Variants in MICAL2 observed in about 807,000 individuals in gnomAD.
MICAL2 encodes the protein [F-actin]-monooxygenase MICAL2.
MICAL2 carries 77 observed loss-of-function variants against 127.3 expected under a neutral mutation model. The observed-to-expected ratio is 0.60, with a 90% CI of 0.50 to 0.73. MICAL2 has a LOEUF of 0.73. Among genes scored for constraint, MICAL2 ranks in the 30% least tolerant of loss-of-function variants. The pLI is 0.00. For missense variants in MICAL2, 1,351 were observed against 1,434.4 expected (o/e 0.94, Z 0.94); for synonymous variants, 570 against 551.1 (o/e 1.03, Z -0.48).
downstream of MICAL2, chr11:12,294,578 T>G: frequency 1.2e-6 from 2 of 1,614,218 alleles, no homozygotes; most frequent in Non-Finnish European, 1.7e-6. Context: ...GCAAGAGAAC[T>G]TCCCAGATGC....
At chr11:12,311,186 G>A (rs114426702) in intron 29 of MICAL2, among the ~76,000 whole-genome samples, 89 of 151,792 alleles carry the variant, frequency 5.9e-4, no homozygotes, top group African/African-American at 2.0e-3. Flanking sequence ...TCTTTTTCTC[G>A]CCTAACTGCT....
rs1203745606 is a variant in MICAL2, at chr11:12,297,319, C to T, written c.5212+2462C>T. The stretch of plus-strand genomic sequence containing the variant: ...TTATATGTTGAGAAGCCATTTGCAT[C>T]TCCTTTTCTGTGACCAGTTGATACT... On this transcript the variant is annotated intron_variant, in intron 29 of 34. Transcript: ENST00000646065. Among the ~76,000 whole-genome samples, 3 of 152,110 alleles carry T rather than the reference C, an allele frequency of 2.0e-5. No homozygotes were observed. The South Asian group carries it at 6.2e-4, about 31-fold the overall frequency.
chr11:12,318,888 C>T (rs1018985552), intron 29 of MICAL2, among the ~76,000 whole-genome samples: 2 of 152,184 alleles, frequency 1.3e-5, no homozygotes, highest in African/African-American at 2.4e-5. Context: ...TGCCTCTAAC[C>T]ATCTACCTCT....
At chr11:12,269,351 T>C (rs1263662394) in intron 24 of MICAL2, among the ~76,000 whole-genome samples, 17 of 152,156 alleles carry the variant, frequency 1.1e-4, no homozygotes, top group African/African-American at 4.1e-4. Flanking sequence ...GGCTCACAGC[T>C]GGCCAGACAC....
intron 2 of MICAL2, among the ~76,000 whole-genome samples, chr11:12,157,190 G>A (rs1446329375): frequency 6.6e-6 from 1 of 152,212 alleles, no homozygotes; most frequent in African/African-American, 2.4e-5. Flanking sequence ...TGCACTGTCT[G>A]ATATGCCATT....
intron 3 of MICAL2, among the ~76,000 whole-genome samples, chr11:12,186,858 C>T (rs1238171646): frequency 1.3e-5 from 2 of 152,226 alleles, no homozygotes; most frequent in Non-Finnish European, 2.9e-5. Context: ...AGAGCTGTCT[C>T]TTCCTGAAGC....
downstream of MICAL2, among the ~76,000 whole-genome samples, chr11:12,289,422 T>A (rs1309212978): frequency 6.6e-6 from 1 of 152,156 alleles, no homozygotes; most frequent in Non-Finnish European, 1.5e-5. Context: ...CAGCCCCCTC[T>A]GGAATGGGCC....
intron 32 of MICAL2, among the ~76,000 whole-genome samples, chr11:12,342,576 G>T (rs144612993): frequency 2.0e-5 from 3 of 152,220 alleles, no homozygotes; most frequent in Non-Finnish European, 4.4e-5. Flanking sequence ...GGCAAGGTAG[G>T]TGTGGTATGG....
chr11:12,257,000 G>A (rs1281044352), intron 24 of MICAL2, 29 bp downstream of exon 24: 1 of 1,590,070 alleles, frequency 6.3e-7, no homozygotes, highest in Non-Finnish European at 8.6e-7. Flanking sequence ...GCAGCACTGG[G>A]CTCTGGCCTT....
chr11:12,278,455 G>A (rs1350964833), intron 1 of MICAL2, among the ~76,000 whole-genome samples: 1 of 152,204 alleles, frequency 6.6e-6, no homozygotes, highest in Non-Finnish European at 1.5e-5. Context: ...GTAAATAGGT[G>A]ATAGGAATTT....
At chr11:12,328,710 G>C (rs1388009550) in intron 32 of MICAL2, among the ~76,000 whole-genome samples, 3 of 152,150 alleles carry the variant, frequency 2.0e-5, no homozygotes, top group African/African-American at 7.2e-5. Context: ...GAAAAACTGA[G>C]CACTGAAATA....
Position 12,204,435 on chromosome 11 carries a change from T to A in MICAL2, c.450T>A (p.Cys150Ter). 1.2e-6 allele frequency: 2 copies of A among 1,614,174 alleles called. No homozygotes were observed. Among genetic ancestry groups the A allele is most frequent in the Non-Finnish European group, 8.5e-7 (1 of 1,180,014 alleles). ...LGAKKFYGKF[C>*]AGSIDHISIR... ...CCAAGAAGTTCTATGGGAAGTTCTG[T>A]GCTGGCTCCATCGACCATATCAGTG... is the stretch of plus-strand genomic sequence containing the variant. Residue 150 changes from cysteine (C) to a stop codon, truncating the protein, a stop_gained, in exon 4 of 28, where the codon TGT (cysteine) becomes TGA (stop). Coordinates refer to ENST00000683283, the MANE Select transcript of MICAL2 (RefSeq NM_001282663.2). LOFTEE classifies it high-confidence loss of function.
At chr11:12,120,530 A>G (rs1468465158) in intron 1 of MICAL2, among the ~76,000 whole-genome samples, 1 of 152,138 alleles carries the variant, frequency 6.6e-6, no homozygotes, top group African/African-American at 2.4e-5. Context: ...ACCGAGACAG[A>G]GTATGGAATG....
intron 1 of MICAL2, among the ~76,000 whole-genome samples, chr11:12,135,829 G>A (rs569559566): frequency 6.6e-6 from 1 of 152,298 alleles, no homozygotes; most frequent in African/African-American, 2.4e-5. Context: ...GGGATGTGGA[G>A]ACCCCTACCT....
chr11:12,226,650 GGT>G (rs1491137140), intron 14 of MICAL2, among the ~76,000 whole-genome samples: 1 of 122,012 alleles, frequency 8.2e-6, no homozygotes, highest in African/African-American at 3.7e-5. Context: ...GTTTGTTTTT[GGT>G]TTTTTTTTTT....
At chr11:12,282,381 A>G (rs79920765) in intron 2 of MICAL2, among the ~76,000 whole-genome samples, 2 of 152,188 alleles carry the variant, frequency 1.3e-5, no homozygotes, top group South Asian at 4.1e-4. Flanking sequence ...CCTGGGCTCC[A>G]GCTCCCCATT....
chr11:12,141,087 G>A (rs761718821), intron 2 of MICAL2, among the ~76,000 whole-genome samples: 6 of 152,098 alleles, frequency 3.9e-5, no homozygotes, highest in Non-Finnish European at 7.4e-5. Context: ...CAAAATATCC[G>A]CTGGGTCTGC....
intron 3 of MICAL2, among the ~76,000 whole-genome samples, chr11:12,198,713 A>G (rs1232039713): frequency 6.6e-6 from 1 of 152,160 alleles, no homozygotes; most frequent in Non-Finnish European, 1.5e-5. Flanking sequence ...AGCACCATGC[A>G]TGACCTCCCC....
At chr11:12,243,950 G>T in intron 20 of MICAL2, 37 bp from the exon 21 acceptor site, 1 of 1,611,338 alleles carries the variant, frequency 6.2e-7, no homozygotes, top group East Asian at 2.2e-5. Flanking sequence ...GTGACTCCTG[G>T]GATAATCCTT....
Sources: allele counts gnomAD v4.1 joint callset (sites outside exome capture counted in the v4.1 genomes callset), GRCh38; gene constraint gnomAD v4.1.1; transcripts MANE v1.5; gene names NCBI Gene and HGNC (gene_info 2026-07-23, HGNC 2026-07-21).